Variants in UVRAG observed in about 807,000 individuals in gnomAD.
The protein encoded by UVRAG is UV radiation resistance associated.
In UVRAG, 19 loss-of-function variants were observed where a neutral mutation model predicts 78.0. That is an observed-to-expected ratio of 0.24 (90% confidence interval 0.17 to 0.36). The LOEUF (loss-of-function observed/expected upper bound fraction) is 0.36. UVRAG is among the 10% of genes least tolerant of loss of function. UVRAG has a pLI of 1.00. For synonymous variants in UVRAG, 323 were observed against 324.6 expected, an observed-to-expected ratio of 1.00 and a Z score of 0.05; for missense variants, 740 against 853.8, an observed-to-expected ratio of 0.87 and a Z score of 1.66.
chr11:75,839,856 T>C (rs1243008430), intron 1 of UVRAG, among the ~76,000 whole-genome samples: 4 of 147,140 alleles, frequency 2.7e-5, no homozygotes, highest in Non-Finnish European at 4.4e-5. Context: ...CCCACACATA[T>C]ATATATAGAG....
chr11:75,853,780 AT>A (rs1315728597), intron 2 of UVRAG, among the ~76,000 whole-genome samples: 1 of 151,542 alleles, frequency 6.6e-6, no homozygotes. Flanking sequence ...TTATTTATTT[AT>A]TTATTTTTTG....
intron 10 of UVRAG, among the ~76,000 whole-genome samples, chr11:76,007,897 T>C (rs928447006): frequency 6.6e-6 from 1 of 152,180 alleles, no homozygotes; most frequent in Middle Eastern, 3.4e-3. Flanking sequence ...CTTAACCACA[T>C]TATCCATTAT....
chr11:75,982,965 G>C (rs928870665), intron 7 of UVRAG, among the ~76,000 whole-genome samples: 1 of 152,148 alleles, frequency 6.6e-6, no homozygotes, highest in Non-Finnish European at 1.5e-5. Context: ...ATGCTGCTAT[G>C]AACATTAGTA....
chr11:76,108,706 T>C (rs1212238064), intron 13 of UVRAG, among the ~76,000 whole-genome samples: 1 of 152,202 alleles, frequency 6.6e-6, no homozygotes, highest in Non-Finnish European at 1.5e-5. Flanking sequence ...GTGGTCTGAA[T>C]GTACTTGTTG....
chr11:75,836,509 A>G (rs1387279679), intron 1 of UVRAG, among the ~76,000 whole-genome samples: 2 of 152,072 alleles, frequency 1.3e-5, no homozygotes, highest in African/African-American at 4.8e-5. Flanking sequence ...TTGCATTTCA[A>G]ACTTCCCATG....
At chr11:75,817,869 C>T (rs891603029) in intron 1 of UVRAG, among the ~76,000 whole-genome samples, 2 of 150,242 alleles carry the variant, frequency 1.3e-5, no homozygotes, top group African/African-American at 4.9e-5. Context: ...CATGCTGAAA[C>T]CCTGTCTCTA....
At chr11:76,017,925 A>G (rs567591631) in intron 12 of UVRAG, among the ~76,000 whole-genome samples, 2 of 152,326 alleles carry the variant, frequency 1.3e-5, no homozygotes, top group South Asian at 4.1e-4. Flanking sequence ...ACATGGAAAT[A>G]CAGTACAGAA....
chr11:75,828,249 A>G (rs201638721), intron 1 of UVRAG, among the ~76,000 whole-genome samples: 2 of 152,160 alleles, frequency 1.3e-5, no homozygotes, highest in East Asian at 3.8e-4. Context: ...ATAAAAATAA[A>G]GAGTAGCTGC....
At chr11:76,020,332 G>A (rs1950221153) in intron 12 of UVRAG, among the ~76,000 whole-genome samples, 1 of 152,042 alleles carries the variant, frequency 6.6e-6, no homozygotes, top group Non-Finnish European at 1.5e-5. Flanking sequence ...ACTCCACTGT[G>A]GCCAAGCTGG....
At chr11:75,879,068 C>T (rs1326717622) in intron 3 of UVRAG, among the ~76,000 whole-genome samples, 1 of 152,150 alleles carries the variant, frequency 6.6e-6, no homozygotes, top group Non-Finnish European at 1.5e-5. Flanking sequence ...ACTCCCTGGA[C>T]GGTTCTCTTA....
chr11:75,895,593 C>T (rs1484273865), intron 5 of UVRAG, among the ~76,000 whole-genome samples: 1 of 150,128 alleles, frequency 6.7e-6, no homozygotes, highest in Non-Finnish European at 1.5e-5. Context: ...GCGTATGTAG[C>T]AAAATGGTCT....
intron 8 of UVRAG, 28 bp downstream of exon 8, chr11:75,983,541 T>C: frequency 1.3e-6 from 2 of 1,534,934 alleles, no homozygotes; most frequent in Non-Finnish European, 1.8e-6. Context: ...ACAAACAGCC[T>C]AACCTCCACA....
intron 5 of UVRAG, among the ~76,000 whole-genome samples, chr11:75,907,532 T>C (rs887249250): frequency 1.3e-5 from 2 of 152,046 alleles, no homozygotes; most frequent in African/African-American, 4.8e-5. Context: ...ATTTCTCTTT[T>C]TGACAGAGTC....
In UVRAG at chr11:75,835,523, A is replaced by G. The variant is rs147731551; in HGVS notation, c.118-16360A>G. ...CTGTTTCCCCTTCCATAAAATGGAG[A>G]TATTTCCACCTGCCTACTTCTGTGG... On this transcript the variant is annotated intron_variant, in intron 1 of 14. Coordinates refer to ENST00000356136, the MANE Select transcript of UVRAG (RefSeq NM_003369.4). Among the ~76,000 whole-genome samples the G allele has an allele frequency of 6.2e-3, 940 of 152,300 alleles. 15 individuals are homozygous for G. The highest frequency in any genetic ancestry group is 0.021 in the African/African-American group (889 of 41,564).
At chr11:75,964,182 A>G (rs1343050166) in intron 7 of UVRAG, among the ~76,000 whole-genome samples, 1 of 152,234 alleles carries the variant, frequency 6.6e-6, no homozygotes, top group Non-Finnish European at 1.5e-5. Context: ...ATATGTATTT[A>G]TAAAGAATAT....
intron 13 of UVRAG, among the ~76,000 whole-genome samples, chr11:76,094,757 T>C (rs1951760156): frequency 6.6e-6 from 1 of 152,248 alleles, no homozygotes; most frequent in African/African-American, 2.4e-5. Context: ...TCTTTTCTTC[T>C]TTATTGTATA....
At chr11:75,957,079 T>G (rs537364782) in intron 6 of UVRAG, among the ~76,000 whole-genome samples, 2 of 152,148 alleles carry the variant, frequency 1.3e-5, no homozygotes, top group Non-Finnish European at 2.9e-5. Context: ...TAAAGTCTAA[T>G]TTATTCCTTT....
intron 13 of UVRAG, among the ~76,000 whole-genome samples, chr11:76,093,865 G>A (rs1457416702): frequency 6.6e-6 from 1 of 152,150 alleles, no homozygotes; most frequent in African/African-American, 2.4e-5. Flanking sequence ...TCTCCTGCCT[G>A]ATTGCCCTGG....
chr11:75,854,511 C>T (rs978106223), intron 2 of UVRAG, among the ~76,000 whole-genome samples: 17 of 151,942 alleles, frequency 1.1e-4, no homozygotes, highest in South Asian at 2.1e-4. Context: ...CCGCCTCCCA[C>T]GTTCAAGCGA....
Sources: allele counts gnomAD v4.1 joint callset (sites outside exome capture counted in the v4.1 genomes callset), GRCh38; gene constraint gnomAD v4.1.1; transcripts MANE v1.5; gene names NCBI Gene and HGNC (gene_info 2026-07-23, HGNC 2026-07-21).